The following NDST4 variants were observed in gnomAD, a reference collection of about 807,000 sequenced individuals.
The protein encoded by NDST4 is N-deacetylase and N-sulfotransferase 4.
In NDST4, 63 loss-of-function variants were observed where a neutral mutation model predicts 100.8. That is an observed-to-expected ratio of 0.62 (90% CI 0.51 to 0.77). The LOEUF is 0.77. Among genes scored for constraint, NDST4 ranks in the 30% least tolerant of loss-of-function variants. NDST4 has a pLI of 0.00. For missense variants in NDST4, 943 were observed against 1,018.4 expected (o/e 0.93, Z 1.01); for synonymous variants, 377 against 361.8 (o/e 1.04, Z -0.48).
chr4:114,986,793 C>CATATGTATATATATAT (rs1218840726), intron 2 of NDST4, among the ~76,000 whole-genome samples: 95 of 91,124 alleles, frequency 1.0e-3, no homozygotes, highest in African/African-American at 4.0e-3. Context: ...TCCAATTATA[C>CATATGTATATATATAT]ATATATATAT....
intron 6 of NDST4, among the ~76,000 whole-genome samples, chr4:114,903,110 G>C (rs1724881143): frequency 6.6e-6 from 1 of 151,932 alleles, no homozygotes; most frequent in South Asian, 2.1e-4. Flanking sequence ...TTGAAACTGT[G>C]TTTTCTGCCT....
chr4:115,060,872 G>T lies in NDST4; in HGVS notation c.978+15187C>A, dbSNP rs922585513. Reference sequence around the variant, plus strand: ...ACAAATGACATTACAGAAAGGAAATGAGCTAATTTTCTTCTTTCAATTAGT... The same window carrying T: ...ACAAATGACATTACAGAAAGGAAATTAGCTAATTTTCTTCTTTCAATTAGT... On this transcript the variant is annotated intron_variant, in intron 2 of 13. Coordinates refer to ENST00000264363, the MANE Select transcript of NDST4 (RefSeq NM_022569.3). Among the ~76,000 whole-genome samples the T allele has an allele frequency of 2.0e-5, 3 of 151,884 alleles. 1 individual carries two copies. Among genetic ancestry groups the T allele is most frequent in the African/African-American group, 7.3e-5 (3 of 41,342 alleles).
intron 6 of NDST4, among the ~76,000 whole-genome samples, chr4:114,907,869 T>C (rs993060151): frequency 3.9e-5 from 6 of 152,106 alleles, no homozygotes; most frequent in African/African-American, 1.4e-4. Flanking sequence ...CCAACATCAA[T>C]ATTATTGGAC....
chr4:114,936,841 T>G (rs886469856), intron 5 of NDST4, among the ~76,000 whole-genome samples: 1 of 152,200 alleles, frequency 6.6e-6, no homozygotes, highest in Non-Finnish European at 1.5e-5. Context: ...TTTGAGTGCC[T>G]GAAAGCCAAA....
chr4:115,082,001 G>A (rs1174651002), intron 1 of NDST4, among the ~76,000 whole-genome samples: 3 of 152,112 alleles, frequency 2.0e-5, no homozygotes, highest in African/African-American at 7.2e-5. Context: ...TTAAAAATTT[G>A]GAAGGAGAGA....
intron 4 of NDST4, among the ~76,000 whole-genome samples, chr4:114,962,404 A>T (rs1726283895): frequency 6.6e-6 from 1 of 152,056 alleles, no homozygotes; most frequent in South Asian, 2.1e-4. Context: ...ATACATAGAC[A>T]ATCCTAAGGA....
intron 4 of NDST4, among the ~76,000 whole-genome samples, chr4:114,947,992 A>T (rs912556222): frequency 2.0e-5 from 3 of 152,090 alleles, no homozygotes; most frequent in Non-Finnish European, 2.9e-5. Flanking sequence ...TCATTTTATG[A>T]TTATGAACAT....
chr4:114,838,993 T>G (rs961243711), intron 11 of NDST4, among the ~76,000 whole-genome samples: 2 of 152,114 alleles, frequency 1.3e-5, no homozygotes, highest in African/African-American at 4.8e-5. Flanking sequence ...GCATGTGGTG[T>G]TTCGTAAAGT....
chr4:114,984,332 C>G (rs953283399), intron 2 of NDST4, among the ~76,000 whole-genome samples: 2 of 151,960 alleles, frequency 1.3e-5, no homozygotes, highest in African/African-American at 4.8e-5. Context: ...GCACCCACCA[C>G]CATGCCAGGA....
chr4:115,035,815 T>C (rs1728220563), intron 2 of NDST4, among the ~76,000 whole-genome samples: 1 of 152,064 alleles, frequency 6.6e-6, no homozygotes, highest in African/African-American at 2.4e-5. Flanking sequence ...TGTTGATTTC[T>C]ACTTCTTCCT....
chr4:114,993,449 T>C (rs141989588), intron 2 of NDST4, among the ~76,000 whole-genome samples: 1 of 152,044 alleles, frequency 6.6e-6, no homozygotes, highest in Admixed American at 6.6e-5. Flanking sequence ...GGGTACCAAG[T>C]GGAGAAATCA....
chr4:114,882,466 A>G (rs987526560), intron 6 of NDST4, among the ~76,000 whole-genome samples: 1 of 152,098 alleles, frequency 6.6e-6, no homozygotes, highest in Non-Finnish European at 1.5e-5. Context: ...ACACATACTT[A>G]GTGAGCTGGT....
chr4:114,953,895 G>T (rs1726079026), intron 4 of NDST4, among the ~76,000 whole-genome samples: 2 of 152,176 alleles, frequency 1.3e-5, no homozygotes, highest in East Asian at 3.9e-4. Flanking sequence ...CTTTTAAACT[G>T]CTATAAAATG....
At chr4:114,831,441 T>C (rs1723199949) in intron 12 of NDST4, among the ~76,000 whole-genome samples, 1 of 152,242 alleles carries the variant, frequency 6.6e-6, no homozygotes, top group Non-Finnish European at 1.5e-5. Flanking sequence ...CAATTCAGCA[T>C]GCTGTATAAA....
chr4:115,098,866 A>AT (rs536480253), intron 1 of NDST4, among the ~76,000 whole-genome samples: 8 of 151,832 alleles, frequency 5.3e-5, no homozygotes, highest in Admixed American at 5.3e-4. Context: ...CACCTTGCTA[A>AT]TTTTTTTTAT....
intron 6 of NDST4, among the ~76,000 whole-genome samples, chr4:114,891,260 A>C (rs1482586075): frequency 6.6e-6 from 1 of 151,986 alleles, no homozygotes; most frequent in Non-Finnish European, 1.5e-5. Flanking sequence ...TTTTTTATAC[A>C]ATATCCTCTT....
intron 2 of NDST4, among the ~76,000 whole-genome samples, chr4:115,063,602 A>G (rs1309603653): frequency 6.6e-6 from 1 of 151,526 alleles, no homozygotes; most frequent in Non-Finnish European, 1.5e-5. Context: ...CATAATAGGA[A>G]CACAGTGGCT....
At chr4:115,014,623 C>T (rs962160014) in intron 2 of NDST4, among the ~76,000 whole-genome samples, 2 of 152,042 alleles carry the variant, frequency 1.3e-5, no homozygotes, top group African/African-American at 2.4e-5. Context: ...ACTGTGCAAG[C>T]TGCTGTGTCA....
chr4:114,946,563 A>G (rs1725868036), intron 4 of NDST4, among the ~76,000 whole-genome samples: 1 of 152,226 alleles, frequency 6.6e-6, no homozygotes. Flanking sequence ...AGATTATTCC[A>G]GGCAGAGGAG....
Sources: gnomAD v4.1 joint callset for allele counts (sites outside exome capture counted in the v4.1 genomes callset) on GRCh38, gnomAD v4.1.1 for gene constraint, MANE v1.5 for transcripts, NCBI Gene and HGNC (gene_info 2026-07-23, HGNC 2026-07-21) for gene names.